The following LRRC20 variants were observed in gnomAD, a reference collection of about 807,000 sequenced individuals.
The protein encoded by LRRC20 is leucine rich repeat containing 20.
A neutral mutation model predicts 14.4 loss-of-function variants in LRRC20; 11 were observed. That is an observed-to-expected ratio of 0.77 (90% CI 0.48 to 1.27). The LOEUF (loss-of-function observed/expected upper bound fraction) is 1.27. Ranked by LOEUF, LRRC20 falls within the 50% of genes most tolerant of loss-of-function variation. The pLI is 0.00. For missense variants in LRRC20, 219 were observed against 251.2 expected (o/e 0.87, Z 0.87); for synonymous variants, 121 against 107.3 (o/e 1.13, Z -0.79).
At chr10:70,325,797 T>G (rs1237460201) in intron 3 of LRRC20, among the ~76,000 whole-genome samples, 1 of 152,230 alleles carries the variant, frequency 6.6e-6, no homozygotes, top group East Asian at 1.9e-4. Flanking sequence ...CCTCTGAGTC[T>G]GTCCTTCCTC....
chr10:70,309,663 G>A (rs1841571044), intron 4 of LRRC20, among the ~76,000 whole-genome samples: 1 of 152,258 alleles, frequency 6.6e-6, no homozygotes, highest in Non-Finnish European at 1.5e-5. Flanking sequence ...CGCTACTGAA[G>A]ACCACTGATC....
At chr10:70,359,205 G>A (rs978163394) in intron 2 of LRRC20, among the ~76,000 whole-genome samples, 5 of 151,914 alleles carry the variant, frequency 3.3e-5, no homozygotes, top group African/African-American at 1.2e-4. Context: ...CCCCAGCCCC[G>A]CCCTTCCATT....
intron 2 of LRRC20, among the ~76,000 whole-genome samples, chr10:70,373,220 A>T (rs1363633022): frequency 6.9e-6 from 1 of 145,838 alleles, no homozygotes; most frequent in Admixed American, 7.1e-5. Flanking sequence ...AACCATATAG[A>T]GTTACTTTAT....
intron 2 of LRRC20, among the ~76,000 whole-genome samples, chr10:70,363,227 G>A (rs9730839): frequency 0.92 from 136,614 of 148,114 alleles, 63,185 homozygotes; most frequent in Middle Eastern, 0.97. Flanking sequence ...CTGCACTCCA[G>A]CCTGGGCAAA....
rs1352091463 is a variant in LRRC20, at chr10:70,361,707, C to A, written c.82+14745G>T. The stretch of plus-strand genomic sequence containing the variant: ...CCGGGGCCCAGTCATTGGCTCCCTC[C>A]CCCACCCTCACCCTCCCATCCCATC... On this transcript the variant is annotated intron_variant, in intron 2 of 4. Transcript: ENST00000446961. 2.0e-5 allele frequency among the ~76,000 whole-genome samples: 3 copies of A among 152,102 alleles called. No homozygotes were observed. In the South Asian group the frequency reaches 6.2e-4, roughly 31 times the overall value.
At chr10:70,325,137 C>T (rs2136954821) in intron 3 of LRRC20, among the ~76,000 whole-genome samples, 1 of 152,286 alleles carries the variant, frequency 6.6e-6, no homozygotes, top group East Asian at 1.9e-4. Context: ...GAATGTCCCC[C>T]AGTTCTTCTC....
At chr10:70,317,912 TG>T (rs1841930154) in intron 4 of LRRC20, among the ~76,000 whole-genome samples, 1 of 152,218 alleles carries the variant, frequency 6.6e-6, no homozygotes, top group Non-Finnish European at 1.5e-5. Context: ...CAGAAACATT[TG>T]TTTCGGCCAA....
At chr10:70,340,197 A>G (rs1463523989) in intron 3 of LRRC20, among the ~76,000 whole-genome samples, 1 of 152,166 alleles carries the variant, frequency 6.6e-6, no homozygotes, top group Non-Finnish European at 1.5e-5. Flanking sequence ...ACACAGGAGA[A>G]CAACACTAGA....
At chr10:70,372,447 T>TTC (rs1554844538) in intron 2 of LRRC20, among the ~76,000 whole-genome samples, 1 of 148,762 alleles carries the variant, frequency 6.7e-6, no homozygotes, top group Admixed American at 6.7e-5. Flanking sequence ...TTCTTTTCGT[T>TTC]TTTTTTTTTT....
intron 3 of LRRC20, among the ~76,000 whole-genome samples, chr10:70,327,757 C>A (rs1252119817): frequency 6.6e-6 from 1 of 152,062 alleles, no homozygotes; most frequent in Non-Finnish European, 1.5e-5. Flanking sequence ...CACAGAAACC[C>A]CAACCTCTCC....
At chr10:70,369,264 T>C (rs1844165535) in intron 2 of LRRC20, among the ~76,000 whole-genome samples, 1 of 152,114 alleles carries the variant, frequency 6.6e-6, no homozygotes, top group African/African-American at 2.4e-5. Context: ...CTTAGTTCTC[T>C]CAGCCCTCCT....
intron 2 of LRRC20, 150 bp from the exon 3 acceptor site, chr10:70,340,852 C>T (rs1199502910): frequency 4.0e-6 from 3 of 748,434 alleles, no homozygotes; most frequent in African/African-American, 1.8e-5. Flanking sequence ...AGACCCTGCC[C>T]TCCCTCTTCC....
chr10:70,354,687 A>C (rs1843457188), intron 2 of LRRC20, among the ~76,000 whole-genome samples: 1 of 152,164 alleles, frequency 6.6e-6, no homozygotes, highest in South Asian at 2.1e-4. Context: ...TGCCTGCCTA[A>C]GGGCATGAGG....
rs766926111 is a variant in LRRC20, at chr10:70,363,107, TA to T, written c.82+13344del. Among the ~76,000 whole-genome samples, 152 of 32,154 alleles carry T rather than the reference TA, an allele frequency of 4.7e-3. 1 individual carries two copies. The highest frequency in any genetic ancestry group is 9.4e-3 in the Non-Finnish European group (124 of 13,122). The allele number at this position is 32,154 out of a possible 152,430, so 21.1% of individuals were successfully genotyped here. A position where few individuals can be genotyped will look rare whatever the true frequency, so the allele number is the denominator to read the frequency against. ...GCAAGATGGTGAGACTTATCTCTAT[TA>T]AAAAAAAAAAAAATTTTAAATTAGC... is the stretch of plus-strand genomic sequence containing the variant. On this transcript the variant is annotated intron_variant, in intron 2 of 4. Coordinates refer to ENST00000446961, the MANE Select transcript of LRRC20 (RefSeq NM_001278212.2).
Position 70,300,352 on chromosome 10 carries a change from T to C in LRRC20, c.*1002A>G, listed in dbSNP as rs1182637626. Reference sequence around the variant, plus strand: ...AGCTGGTCACCCTGTTGCCTGACCATACCCTAAGATGCCAGGTTGAGGGCC... The same window carrying C: ...AGCTGGTCACCCTGTTGCCTGACCACACCCTAAGATGCCAGGTTGAGGGCC... On this transcript the variant is annotated 3_prime_UTR_variant, in exon 5 of 5. Coordinates refer to ENST00000446961, the MANE Select transcript of LRRC20 (RefSeq NM_001278212.2). 3.0e-6 allele frequency: 3 copies of C among 985,220 alleles called. No individual in the cohort carries two copies. Among genetic ancestry groups the C allele is most frequent in the African/African-American group, 1.7e-5 (1 of 57,234 alleles). The allele number at this position is 985,220 out of a possible 1,614,324, so 61.0% of individuals were successfully genotyped here.
At chr10:70,365,050 C>T (rs1843923734) in intron 2 of LRRC20, among the ~76,000 whole-genome samples, 1 of 127,744 alleles carries the variant, frequency 7.8e-6, no homozygotes, top group African/African-American at 2.9e-5. Context: ...CTCTGAGATT[C>T]AACTTTTTTT....
chr10:70,379,545 G>T (rs897899434), intron 1 of LRRC20, among the ~76,000 whole-genome samples: 1 of 152,192 alleles, frequency 6.6e-6, no homozygotes, highest in African/African-American at 2.4e-5. Context: ...AGGTATGAGG[G>T]ATAAGAAGGA....
chr10:70,320,650 G>A (rs1842042448), intron 4 of LRRC20, among the ~76,000 whole-genome samples: 1 of 152,192 alleles, frequency 6.6e-6, no homozygotes, highest in African/African-American at 2.4e-5. Flanking sequence ...GCTGGTGGAG[G>A]TGGAGGGCAG....
chr10:70,327,241 G>A (rs1392005418), intron 3 of LRRC20, among the ~76,000 whole-genome samples: 1 of 152,174 alleles, frequency 6.6e-6, no homozygotes, highest in Non-Finnish European at 1.5e-5. Context: ...GTTCTGTGAG[G>A]TTTTCTGGAG....
Sources: gnomAD v4.1 joint callset for allele counts (sites outside exome capture counted in the v4.1 genomes callset) on GRCh38, gnomAD v4.1.1 for gene constraint, MANE v1.5 for transcripts, NCBI Gene and HGNC (gene_info 2026-07-23, HGNC 2026-07-21) for gene names.